Variants in PLEKHA5 observed in about 807,000 individuals in gnomAD.
PLEKHA5 encodes pleckstrin homology domain containing A5.
PLEKHA5 carries 55 observed loss-of-function variants against 181.9 expected under a neutral mutation model. That is an observed-to-expected ratio of 0.30 (90% CI 0.24 to 0.38). PLEKHA5 has a LOEUF of 0.38. Among genes scored for constraint, PLEKHA5 ranks in the 10% least tolerant of loss-of-function variants. PLEKHA5 has a pLI of 1.00. For synonymous variants in PLEKHA5, 535 were observed against 529.4 expected (o/e 1.01, Z -0.15); for missense variants, 1,432 against 1,549.5 (o/e 0.92, Z 1.27).
chr12:19,255,624 AAATG>A (rs1274446623), intron 5 of PLEKHA5, among the ~76,000 whole-genome samples: 3 of 151,822 alleles, frequency 2.0e-5, no homozygotes, highest in Non-Finnish European at 4.4e-5. Context: ...AGGAGATTAT[AAATG>A]AATGTAAATT....
intron 3 of PLEKHA5, among the ~76,000 whole-genome samples, chr12:19,186,539 TC>T (rs1185643590): frequency 6.6e-6 from 1 of 152,200 alleles, no homozygotes; most frequent in African/African-American, 2.4e-5. Context: ...TTTACTTTCT[TC>T]TATAGAATAA....
At chr12:19,251,522 C>T (rs2065281008) in intron 3 of PLEKHA5, among the ~76,000 whole-genome samples, 1 of 151,770 alleles carries the variant, frequency 6.6e-6, no homozygotes, top group African/African-American at 2.4e-5. Flanking sequence ...GAGGTGTGTG[C>T]AGATATACAT....
intron 8 of PLEKHA5, among the ~76,000 whole-genome samples, chr12:19,267,262 AAC>A (rs2070775085): frequency 3.3e-5 from 5 of 152,320 alleles, no homozygotes; most frequent in Middle Eastern, 3.4e-3. Context: ...GTTAACAATG[AAC>A]ATGTTTGTAC....
intron 20 of PLEKHA5, among the ~76,000 whole-genome samples, chr12:19,332,691 A>G (rs1389634370): frequency 6.6e-6 from 1 of 152,136 alleles, no homozygotes; most frequent in Non-Finnish European, 1.5e-5. Flanking sequence ...TTTTTTGGAG[A>G]CAAAGTCTCT....
At chr12:19,173,007 T>A (rs1188682458) in intron 3 of PLEKHA5, among the ~76,000 whole-genome samples, 1 of 51,036 alleles carries the variant, frequency 2.0e-5, no homozygotes, top group African/African-American at 1.2e-4. Flanking sequence ...TTCCCTTTCT[T>A]TTTTTTTTTT....
chr12:19,306,557 A>G (rs2083728910), intron 15 of PLEKHA5: 1 of 762,544 alleles, frequency 1.3e-6, no homozygotes, highest in South Asian at 1.3e-5. Flanking sequence ...GAGCAACACT[A>G]CCATCGTCCC....
intron 3 of PLEKHA5, among the ~76,000 whole-genome samples, chr12:19,211,136 T>G (rs546658071): frequency 1.3e-5 from 2 of 152,264 alleles, no homozygotes; most frequent in East Asian, 3.9e-4. Flanking sequence ...ATTACAGATA[T>G]ACCAAAGATA....
intron 3 of PLEKHA5, among the ~76,000 whole-genome samples, chr12:19,178,307 T>A (rs989484562): frequency 2.0e-5 from 3 of 152,216 alleles, no homozygotes; most frequent in African/African-American, 7.2e-5. Context: ...AATTCATTAT[T>A]CCCTAGGTAA....
chr12:19,257,025 T>A (rs371479784), intron 5 of PLEKHA5, among the ~76,000 whole-genome samples: 2 of 152,180 alleles, frequency 1.3e-5, no homozygotes, highest in Non-Finnish European at 2.9e-5. Flanking sequence ...TAACTTTCTT[T>A]AATTGAACCT....
intron 15 of PLEKHA5, among the ~76,000 whole-genome samples, chr12:19,302,632 A>C (rs2152923056): frequency 6.6e-6 from 1 of 151,802 alleles, no homozygotes; most frequent in East Asian, 2.0e-4. Flanking sequence ...CCTGACCTCA[A>C]GTGGTCCTCC....
Position 19,270,175 on chromosome 12 carries a change from T to A in PLEKHA5, c.828-13T>A. 6.9e-7 allele frequency: 1 copy of A among 1,440,284 alleles called. No homozygotes were observed. The highest frequency in any genetic ancestry group is 9.2e-7 in the Non-Finnish European group (1 of 1,085,368). The allele number at this position is 1,440,284 out of a possible 1,614,324, so 89.2% of individuals were successfully genotyped here. Reference sequence around the variant, plus strand: ...ATCCTAACATTCAAACTGAATGTTCTTTCTTCTTACAGAATTACCTTTAAT... The same window carrying A: ...ATCCTAACATTCAAACTGAATGTTCATTCTTCTTACAGAATTACCTTTAAT... On this transcript the variant is annotated splice_polypyrimidine_tract_variant and intron_variant, in intron 9 of 31. Coordinates refer to ENST00000429027, the MANE Select transcript of PLEKHA5 (RefSeq NM_001256470.2).
chr12:19,169,874 C>T (rs2045487296), intron 3 of PLEKHA5, among the ~76,000 whole-genome samples: 1 of 152,194 alleles, frequency 6.6e-6, no homozygotes, highest in Non-Finnish European at 1.5e-5. Flanking sequence ...AACTTTTCTC[C>T]ACTGTTTTTT....
chr12:19,312,169 A>T (rs1169944491), intron 15 of PLEKHA5, among the ~76,000 whole-genome samples: 1 of 152,234 alleles, frequency 6.6e-6, no homozygotes, highest in Non-Finnish European at 1.5e-5. Context: ...ACCATGCTGT[A>T]AACAGATGTG....
At chr12:19,250,858 C>G (rs1349791686) in intron 3 of PLEKHA5, among the ~76,000 whole-genome samples, 2 of 151,978 alleles carry the variant, frequency 1.3e-5, no homozygotes, top group African/African-American at 4.8e-5. Flanking sequence ...TAAAAATCAC[C>G]TCTTCATGCA....
intron 29 of PLEKHA5, 72 bp from the exon 30 acceptor site, chr12:19,365,892 T>G: frequency 9.7e-7 from 1 of 1,033,544 alleles, no homozygotes; most frequent in Non-Finnish European, 1.4e-6. Flanking sequence ...TGGCATCTTT[T>G]ATAACAAAAA....
chr12:19,218,644 A>G (rs922134938), intron 3 of PLEKHA5, among the ~76,000 whole-genome samples: 2 of 152,132 alleles, frequency 1.3e-5, no homozygotes, highest in African/African-American at 4.8e-5. Flanking sequence ...TCTGTAAAAA[A>G]CATGTCTAAA....
chr12:19,350,290 AACACTT>A (rs2153219344), intron 25 of PLEKHA5, among the ~76,000 whole-genome samples: 1 of 152,348 alleles, frequency 6.6e-6, no homozygotes, highest in East Asian at 1.9e-4. Context: ...TGAATTCTGA[AACACTT>A]AGGACAAAAG....
intron 20 of PLEKHA5, among the ~76,000 whole-genome samples, chr12:19,324,477 C>T (rs977681515): frequency 2.0e-5 from 3 of 152,142 alleles, no homozygotes; most frequent in East Asian, 3.9e-4. Flanking sequence ...GAATGACTTA[C>T]CCAAGGTTAC....
chr12:19,203,799 G>A (rs1387069154), intron 3 of PLEKHA5, among the ~76,000 whole-genome samples: 2 of 151,974 alleles, frequency 1.3e-5, no homozygotes, highest in Non-Finnish European at 2.9e-5. Context: ...AGCGTACCGT[G>A]ACTCATATAT....
Sources: allele counts gnomAD v4.1 joint callset (sites outside exome capture counted in the v4.1 genomes callset), GRCh38; gene constraint gnomAD v4.1.1; transcripts MANE v1.5; gene names NCBI Gene and HGNC (gene_info 2026-07-23, HGNC 2026-07-21).